ADK: variants seen among roughly 807,000 people sequenced by gnomAD.
ADK encodes the protein N6,N6-dimethyladenosine kinase.
ADK carries 24 observed loss-of-function variants against 44.7 expected under a neutral mutation model. That is an observed-to-expected ratio of 0.54 (90% confidence interval 0.39 to 0.76). The LOEUF (loss-of-function observed/expected upper bound fraction) is 0.76. Among genes scored for constraint, ADK ranks in the 30% least tolerant of loss-of-function variants. ADK has a pLI of 0.00. For missense variants in ADK, 321 were observed against 425.1 expected (o/e 0.76, Z 2.15); for synonymous variants, 128 against 142.6 (o/e 0.90, Z 0.73).
chr10:74,470,200 T>C lies in ADK; in HGVS notation c.556-55056T>C, dbSNP rs181073532. ...CAACCACACCTGACTAATTTTTATA[T>C]CTTTAGTGGAGACAGGGTTTCACCA... On this transcript the variant is annotated intron_variant, in intron 6 of 10. Coordinates refer to ENST00000539909, the MANE Select transcript of ADK (RefSeq NM_006721.4). Among the ~76,000 whole-genome samples the C allele has an allele frequency of 4.0e-4, 61 of 151,986 alleles. 2 individuals carry two copies. In the East Asian group the frequency reaches 9.9e-3, roughly 25 times the overall value.
intron 2 of ADK, among the ~76,000 whole-genome samples, chr10:74,204,247 G>A (rs778429407): frequency 2.6e-5 from 4 of 152,148 alleles, no homozygotes; most frequent in Non-Finnish European, 5.9e-5. Context: ...AAGCCACTGT[G>A]CCTAGCCTTA....
At chr10:74,490,958 T>C (rs1250134288) in intron 6 of ADK, among the ~76,000 whole-genome samples, 1 of 152,202 alleles carries the variant, frequency 6.6e-6, no homozygotes, top group Non-Finnish European at 1.5e-5. Context: ...TTTCTTGTTA[T>C]TTATAAAAAT....
chr10:74,209,437 A>G (rs1276455740), intron 2 of ADK, among the ~76,000 whole-genome samples: 1 of 152,224 alleles, frequency 6.6e-6, no homozygotes, highest in Non-Finnish European at 1.5e-5. Flanking sequence ...AAATAAAACA[A>G]CAACAAAACA....
rs559370692 is a variant in ADK, at chr10:74,455,198, A to T, written c.555+56619A>T. 2.3e-3 allele frequency among the ~76,000 whole-genome samples: 345 copies of T among 152,206 alleles called. 15 individuals carry two copies. Among genetic ancestry groups the T allele is most frequent in the Non-Finnish European group, 1.5e-3 (103 of 67,994 alleles). Reference sequence around the variant, plus strand: ...CATGAACCACAATAAACACTCACAAAATGTTTGCTATAAAGATATTTTCGA... The same window carrying T: ...CATGAACCACAATAAACACTCACAATATGTTTGCTATAAAGATATTTTCGA... On this transcript the variant is annotated intron_variant, in intron 6 of 10. Coordinates refer to ENST00000539909, the MANE Select transcript of ADK (RefSeq NM_006721.4).
intron 6 of ADK, among the ~76,000 whole-genome samples, chr10:74,459,339 A>T (rs1846073137): frequency 6.6e-6 from 1 of 152,164 alleles, no homozygotes; most frequent in South Asian, 2.1e-4. Flanking sequence ...GCAAAAATTT[A>T]ACAGATTTCT....
chr10:74,500,113 C>T (rs766870895), intron 6 of ADK, among the ~76,000 whole-genome samples: 4 of 152,178 alleles, frequency 2.6e-5, no homozygotes, highest in Non-Finnish European at 5.9e-5. Context: ...GAAATAGAAG[C>T]CAAGTAGTAG....
At chr10:74,467,462 G>A (rs1433567741) in intron 6 of ADK, among the ~76,000 whole-genome samples, 3 of 152,152 alleles carry the variant, frequency 2.0e-5, no homozygotes, top group Non-Finnish European at 2.9e-5. Context: ...CTTTGATTTC[G>A]TAGTTCAGAT....
intron 1 of ADK, among the ~76,000 whole-genome samples, chr10:74,162,968 TTTTC>T (rs1304779100): frequency 2.0e-5 from 3 of 151,672 alleles, no homozygotes; most frequent in Admixed American, 6.6e-5. Context: ...AACAGTAACA[TTTTC>T]TTTCTTTTTT....
intron 4 of ADK, among the ~76,000 whole-genome samples, chr10:74,350,307 T>G (rs1248583776): frequency 6.6e-6 from 1 of 152,178 alleles, no homozygotes; most frequent in East Asian, 1.9e-4. Context: ...AACCTGCTCC[T>G]GAATGAATAT....
chr10:74,445,357 TGAAG>T (rs1845557715), intron 6 of ADK, among the ~76,000 whole-genome samples: 1 of 151,992 alleles, frequency 6.6e-6, no homozygotes, highest in Non-Finnish European at 1.5e-5. Flanking sequence ...ATTCCTCAAA[TGAAG>T]GATTTTTCCA....
rs148606921 is a variant in ADK at position 74,606,152 on chromosome 10, G to A, written c.877+5659G>A. ...CTCTCTTTTCTTCTTTATTAGTCTA[G>A]CTAGCAGTCTATCTATTTTGTTAAT... On this transcript the variant is annotated intron_variant, in intron 9 of 10. Coordinates refer to ENST00000539909, the MANE Select transcript of ADK (RefSeq NM_006721.4). Among the ~76,000 whole-genome samples the A allele has an allele frequency of 8.5e-4, 130 of 152,048 alleles. 2 individuals carry two copies. The East Asian group carries it at 0.024, about 29-fold the overall frequency.
chr10:74,244,357 C>A (rs1845336266), intron 3 of ADK, among the ~76,000 whole-genome samples: 1 of 152,142 alleles, frequency 6.6e-6, no homozygotes, highest in African/African-American at 2.4e-5. Flanking sequence ...TATGGAAGAT[C>A]TAGAATATTT....
intron 10 of ADK, among the ~76,000 whole-genome samples, chr10:74,670,933 T>C (rs1159810732): frequency 6.6e-6 from 1 of 151,622 alleles, no homozygotes; most frequent in Non-Finnish European, 1.5e-5. Flanking sequence ...TTAATTAAGC[T>C]AGTTTATAGT....
At chr10:74,627,519 G>T (rs939124400) in intron 9 of ADK, among the ~76,000 whole-genome samples, 1 of 151,210 alleles carries the variant, frequency 6.6e-6, no homozygotes, top group African/African-American at 2.4e-5. Flanking sequence ...CAGGTTTATC[G>T]ATTTTTAATT....
intron 9 of ADK, among the ~76,000 whole-genome samples, chr10:74,603,215 C>T (rs1366079632): frequency 1.3e-5 from 2 of 151,952 alleles, no homozygotes; most frequent in African/African-American, 4.8e-5. Flanking sequence ...GCAGTGCTAA[C>T]ACACATATTA....
chr10:74,444,646 A>G (rs1845534432), intron 6 of ADK, among the ~76,000 whole-genome samples: 1 of 152,224 alleles, frequency 6.6e-6, no homozygotes, highest in East Asian at 1.9e-4. Flanking sequence ...TAGTGTAAAC[A>G]TATAATTTAT....
intron 4 of ADK, among the ~76,000 whole-genome samples, chr10:74,319,220 T>C (rs2131816940): frequency 6.6e-6 from 1 of 152,366 alleles, no homozygotes; most frequent in Middle Eastern, 3.4e-3. Flanking sequence ...ATATATGATT[T>C]TGAATAAGTT....
At position 74,628,351 on chromosome 10, in the gene ADK, T is replaced by C. The variant is rs563987756; in HGVS notation, c.877+27858T>C. Among the ~76,000 whole-genome samples the C allele has an allele frequency of 4.6e-5, 7 of 152,180 alleles. No homozygotes were observed. In the East Asian group the frequency reaches 1.4e-3, roughly 30 times the overall value. On this transcript the variant is annotated intron_variant, in intron 9 of 10. Coordinates refer to ENST00000539909, the MANE Select transcript of ADK (RefSeq NM_006721.4). ...TGGATGTTGACCTCTTGTGCTGTTT[T>C]TGTAGTTCACAAGCCAAAGCTGCAC... is the stretch of plus-strand genomic sequence containing the variant.
chr10:74,700,323 A>T (rs1188694669), intron 10 of ADK, among the ~76,000 whole-genome samples: 1 of 152,136 alleles, frequency 6.6e-6, no homozygotes, highest in Non-Finnish European at 1.5e-5. Context: ...GCTCACTGCA[A>T]CCTCTGCCTC....
Sources: allele counts gnomAD v4.1 joint callset (sites outside exome capture counted in the v4.1 genomes callset), GRCh38; gene constraint gnomAD v4.1.1; transcripts MANE v1.5; gene names NCBI Gene and HGNC (gene_info 2026-07-23, HGNC 2026-07-21).